The following WSCD1 variants were observed in gnomAD, a reference collection of about 807,000 sequenced individuals.
WSCD1 encodes WSC domain sialate O sulfotransferase 1.
WSCD1 carries 41 observed loss-of-function variants against 60.4 expected under a neutral mutation model. The ratio of observed to expected loss-of-function variants is 0.68; its 90% CI spans 0.53 to 0.88. The LOEUF (loss-of-function observed/expected upper bound fraction) is 0.88, where lower values mean the gene tolerates loss of function less well. Among genes scored for constraint, WSCD1 ranks in the 40% least tolerant of loss-of-function variants. The pLI, the probability that WSCD1 is intolerant of heterozygous loss-of-function variation, is 0.00. For synonymous variants in WSCD1, 361 were observed against 332.5 expected (o/e 1.09, Z -0.93); for missense variants, 784 against 796.2 (o/e 0.98, Z 0.18).
At position 6,120,839 on chromosome 17, in the gene WSCD1, G is replaced by C; in HGVS notation, c.*178G>C. On this transcript the variant is annotated 3_prime_UTR_variant, in exon 9 of 9. Transcript: ENST00000317744. ...ACACAACAGACACACATCACAAGGCGAACACAAATGGACACACATACCTGG... is the reference window on the plus strand; with the variant it reads ...ACACAACAGACACACATCACAAGGCCAACACAAATGGACACACATACCTGG... 6.1e-6 allele frequency: 4 copies of C among 656,582 alleles called. No individual in the cohort carries two copies. Among genetic ancestry groups the C allele is most frequent in the Middle Eastern group, 8.4e-4 (2 of 2,374 alleles). The allele number at this position is 656,582 out of a possible 1,614,324, so 40.7% of individuals were successfully genotyped here.
At chr17:6,092,669 T>C (rs1910135827) in intron 4 of WSCD1, among the ~76,000 whole-genome samples, 1 of 152,152 alleles carries the variant, frequency 6.6e-6, no homozygotes, top group Non-Finnish European at 1.5e-5. Flanking sequence ...TCAAACAACA[T>C]TCCTGCCCCC....
At chr17:6,108,219 G>C (rs180737296) in intron 5 of WSCD1, among the ~76,000 whole-genome samples, 1 of 152,244 alleles carries the variant, frequency 6.6e-6, no homozygotes, top group Admixed American at 6.5e-5. Context: ...CAAATCCTCA[G>C]CTTTACCTAG....
chr17:6,096,763 G>C (rs904123250), intron 5 of WSCD1, among the ~76,000 whole-genome samples: 1 of 152,108 alleles, frequency 6.6e-6, no homozygotes, highest in Non-Finnish European at 1.5e-5. Context: ...AGGAGAATGA[G>C]CCACCCTCCT....
At chr17:6,109,345 A>G (rs1299985780) in intron 5 of WSCD1, among the ~76,000 whole-genome samples, 2 of 152,052 alleles carry the variant, frequency 1.3e-5, no homozygotes, top group Non-Finnish European at 2.9e-5. Context: ...CATACTGTTG[A>G]CTTGTCAAGG....
In WSCD1 at chr17:6,118,247, C is replaced by T. The variant is rs1904426477; in HGVS notation, c.1375+59C>T. On this transcript the variant is annotated intron_variant, in intron 8 of 8. Coordinates refer to ENST00000317744, the MANE Select transcript of WSCD1 (RefSeq NM_015253.2). The surrounding 1 kb of genome is among the most constrained non-coding windows in gnomAD (Gnocchi z 5.8). ...TTGTCAGTACAGGTAGGTTGCTCAT[C>T]AGGATGCAGGATCAATTTACACAGG... 2 of 1,554,184 alleles carry T rather than the reference C, an allele frequency of 1.3e-6. No individual in the cohort carries two copies. The highest frequency in any genetic ancestry group is 8.8e-7 in the Non-Finnish European group (1 of 1,140,214).
rs1911348822 is a variant in WSCD1, at chr17:6,110,505, A to G, written c.1010-266A>G. Among the ~76,000 whole-genome samples the G allele has an allele frequency of 2.0e-5, 3 of 152,210 alleles. No individual in the cohort carries two copies. Among genetic ancestry groups the G allele is most frequent in the Non-Finnish European group, 2.9e-5 (2 of 68,034 alleles). On this transcript the variant is annotated intron_variant, in intron 6 of 8. Coordinates refer to ENST00000317744, the MANE Select transcript of WSCD1 (RefSeq NM_015253.2). The surrounding 1 kb of genome is among the most constrained non-coding windows in gnomAD (Gnocchi z 4.8). Reference sequence around the variant, plus strand: ...GTTTGGCTGTGGCCATAGAGACAGAATGGGAGTCGAGGGTCCATAGGGTGT... The same window carrying G: ...GTTTGGCTGTGGCCATAGAGACAGAGTGGGAGTCGAGGGTCCATAGGGTGT...
chr17:6,074,937 G>A (rs1311107327), intron 1 of WSCD1, among the ~76,000 whole-genome samples: 1 of 152,240 alleles, frequency 6.6e-6, no homozygotes. Flanking sequence ...ATGCCTGAGC[G>A]GGGTAGGGGC....
intron 7 of WSCD1, among the ~76,000 whole-genome samples, chr17:6,115,091 A>T (rs1911621432): frequency 6.6e-6 from 1 of 152,234 alleles, no homozygotes; most frequent in African/African-American, 2.4e-5. Context: ...CACCCCTGAC[A>T]GTCTGATTCA....
At chr17:6,076,256 G>A (rs1908854285) in intron 1 of WSCD1, among the ~76,000 whole-genome samples, 1 of 152,206 alleles carries the variant, frequency 6.6e-6, no homozygotes, top group Admixed American at 6.5e-5. Context: ...TGCTTGGTGG[G>A]TTGTCTGGAG....
At chr17:6,100,869 A>G (rs981855468) in intron 5 of WSCD1, among the ~76,000 whole-genome samples, 3 of 152,128 alleles carry the variant, frequency 2.0e-5, no homozygotes, top group Non-Finnish European at 4.4e-5. Context: ...CATGGCCCAT[A>G]TCCCCGTGGG....
chr17:6,093,115 C>A (rs192733389), intron 4 of WSCD1, among the ~76,000 whole-genome samples: 31 of 152,354 alleles, frequency 2.0e-4, no homozygotes, highest in Admixed American at 1.7e-3. Flanking sequence ...GCCTTGGAGG[C>A]GTCATTCTGC....
intron 4 of WSCD1, among the ~76,000 whole-genome samples, chr17:6,093,974 T>C (rs1019989618): frequency 6.6e-6 from 1 of 152,184 alleles, no homozygotes; most frequent in Non-Finnish European, 1.5e-5. Flanking sequence ...GGCTTCCAGA[T>C]CCAGGGTTTG....
chr17:6,098,560 C>T (rs1295065329), intron 5 of WSCD1, among the ~76,000 whole-genome samples: 2 of 152,176 alleles, frequency 1.3e-5, no homozygotes, highest in Non-Finnish European at 2.9e-5. Context: ...GAAAGGGCAT[C>T]CAGGTTTCTC....
At chr17:6,111,048 A>G (rs1029772577) in intron 7 of WSCD1, 113 bp downstream of exon 7, 46 of 1,354,650 alleles carry the variant, frequency 3.4e-5, no homozygotes, top group Non-Finnish European at 4.5e-5. Flanking sequence ...TTGAGTGTAC[A>G]TAAGAGTCAC....
rs1909936027 is a variant in WSCD1 at position 6,090,252 on chromosome 17, G to C, written c.543-69G>C. ...TTCTAATCTACATCAAGCTGAAACAGTCTGCAGTTTAGACCGCAGCCCTAG... is the reference window on the plus strand; with the variant it reads ...TTCTAATCTACATCAAGCTGAAACACTCTGCAGTTTAGACCGCAGCCCTAG... On this transcript the variant is annotated intron_variant, in intron 3 of 8. Transcript: ENST00000317744. 3 of 1,422,418 alleles carry C rather than the reference G, an allele frequency of 2.1e-6. No homozygotes were observed. In the African/African-American group the frequency reaches 4.4e-5, roughly 21 times the overall value. The allele number at this position is 1,422,418 out of a possible 1,614,324, so 88.1% of individuals were successfully genotyped here.
chr17:6,104,519 C>G (rs2150560481), intron 5 of WSCD1, among the ~76,000 whole-genome samples: 1 of 152,342 alleles, frequency 6.6e-6, no homozygotes, highest in African/African-American at 2.4e-5. Flanking sequence ...CTCCAAATCA[C>G]AAGGCCCCAT....
chr17:6,081,481 C>T (rs1047318065), intron 2 of WSCD1, among the ~76,000 whole-genome samples: 5 of 151,926 alleles, frequency 3.3e-5, no homozygotes, highest in Admixed American at 1.3e-4. Flanking sequence ...GAGACCGAGG[C>T]GGGCAGATCA....
At chr17:6,092,907 C>T (rs188142264) in intron 4 of WSCD1, among the ~76,000 whole-genome samples, 20 of 152,214 alleles carry the variant, frequency 1.3e-4, no homozygotes, top group Admixed American at 1.3e-3. Flanking sequence ...GCTGTGGAGC[C>T]CCCCGTGAGG....
chr17:6,123,748 A>T lies in WSCD1; in HGVS notation c.*3087A>T, dbSNP rs1375519319. ...CTATAGGGAGAAATTGATTCGTCTG[A>T]CTTCCTATTTATCACCACTCAATAT... is the stretch of plus-strand genomic sequence containing the variant. On this transcript the variant is annotated 3_prime_UTR_variant, in exon 9 of 9. Transcript: ENST00000317744. 1 of 152,182 alleles carries T rather than the reference A, an allele frequency of 6.6e-6. No homozygotes were observed. 9.4% of individuals were successfully genotyped at this position (152,182 alleles called of 1,614,324 possible).
Sources: gnomAD v4.1 joint callset for allele counts (sites outside exome capture counted in the v4.1 genomes callset) on GRCh38, gnomAD v4.1.1 for gene constraint, Gnocchi (gnomAD v3.1) non-coding constraint, MANE v1.5 for transcripts, NCBI Gene and HGNC (gene_info 2026-07-23, HGNC 2026-07-21) for gene names.